The following ANTXR1 variants were observed in gnomAD, a reference collection of about 807,000 sequenced individuals.
ANTXR1 encodes the protein anthrax toxin receptor 1.
Under a neutral mutation model 78.1 loss-of-function variants are expected in ANTXR1, and 19 were observed. That is an observed-to-expected ratio of 0.24 (90% CI 0.17 to 0.36). ANTXR1 has a LOEUF of 0.36. ANTXR1 is among the 10% of genes least tolerant of loss of function. The probability of loss-of-function intolerance (pLI) is 1.00; values close to 1 mark genes in which losing one functional copy is unlikely to be tolerated. For synonymous variants in ANTXR1, 273 were observed against 260.5 expected (o/e 1.05, Z -0.46); for missense variants, 518 against 718.6 (o/e 0.72, Z 3.19).
intron 17 of ANTXR1, among the ~76,000 whole-genome samples, chr2:69,241,667 A>G (rs1203416367): frequency 6.6e-6 from 1 of 152,138 alleles, no homozygotes; most frequent in Non-Finnish European, 1.5e-5. Context: ...CAGTTGTATT[A>G]TAGAAGCCAG....
At chr2:69,039,268 T>C (rs1669542906) in intron 1 of ANTXR1, among the ~76,000 whole-genome samples, 1 of 152,138 alleles carries the variant, frequency 6.6e-6, no homozygotes, top group Non-Finnish European at 1.5e-5. Flanking sequence ...AAATATAAGC[T>C]GACTGAAGCA....
intron 1 of ANTXR1, among the ~76,000 whole-genome samples, chr2:69,027,925 G>A (rs11892652): frequency 0.27 from 41,086 of 151,648 alleles, 10,587 homozygotes; most frequent in African/African-American, 0.64. Context: ...GACTTAGAAC[G>A]GTTAAGGAAA....
intron 13 of ANTXR1, among the ~76,000 whole-genome samples, chr2:69,166,433 C>T (rs1454356253): frequency 6.6e-6 from 1 of 152,142 alleles, no homozygotes; most frequent in Non-Finnish European, 1.5e-5. Context: ...TTCCCGTCCC[C>T]TTTACCTCAC....
intron 12 of ANTXR1, among the ~76,000 whole-genome samples, chr2:69,132,660 C>G (rs1327446832): frequency 6.6e-6 from 1 of 152,204 alleles, no homozygotes; most frequent in Non-Finnish European, 1.5e-5. Context: ...GGTCAGCAAA[C>G]AGTCCATCAA....
At chr2:69,243,868 C>T (rs1675948533) in intron 17 of ANTXR1, among the ~76,000 whole-genome samples, 1 of 152,188 alleles carries the variant, frequency 6.6e-6, no homozygotes, top group African/African-American at 2.4e-5. Flanking sequence ...CCACCTCAGC[C>T]GCTGTGGGGA....
At chr2:69,194,231 G>C (rs1339239168) in intron 17 of ANTXR1, among the ~76,000 whole-genome samples, 1 of 152,204 alleles carries the variant, frequency 6.6e-6, no homozygotes, top group Non-Finnish European at 1.5e-5. Flanking sequence ...TCATGTAAGA[G>C]CTAGTCTCTC....
intron 17 of ANTXR1, among the ~76,000 whole-genome samples, chr2:69,198,961 A>C (rs1232126802): frequency 6.6e-6 from 1 of 152,230 alleles, no homozygotes; most frequent in African/African-American, 2.4e-5. Flanking sequence ...CATTGAACAG[A>C]GCTAGCCCCA....
At chr2:69,077,616 T>C in intron 8 of ANTXR1, 128 bp downstream of exon 8, 3 of 999,052 alleles carry the variant, frequency 3.0e-6, no homozygotes, top group Non-Finnish European at 4.7e-6. Flanking sequence ...TTTCTTCCTA[T>C]ATCTTTGTGT....
Position 69,064,295 on chromosome 2 carries a change from G to T in ANTXR1, c.297-6352G>T, listed in dbSNP as rs549651684. On this transcript the variant is annotated intron_variant, in intron 3 of 17. Transcript: ENST00000303714. Reference sequence around the variant, plus strand: ...TTCAGCTGGGGATTAGGCTCAGCTGGGAAATACAATGCTTCTGGAACAGCT... The same window carrying T: ...TTCAGCTGGGGATTAGGCTCAGCTGTGAAATACAATGCTTCTGGAACAGCT... Among the ~76,000 whole-genome samples the T allele has an allele frequency of 2.4e-4, 37 of 152,258 alleles. 1 individual carries two copies. The highest frequency in any genetic ancestry group is 8.4e-4 in the African/African-American group (35 of 41,568).
In ANTXR1 at chr2:69,209,034, C is replaced by G. The variant is rs181607040; in HGVS notation, c.1434+15619C>G. On this transcript the variant is annotated intron_variant, in intron 17 of 17. Transcript: ENST00000303714. ...CCTCCTGCCTCAGCCTCCCAAGTAG[C>G]TGAGATTACAGGTGCCTGCTACCAC... Among the ~76,000 whole-genome samples the G allele has an allele frequency of 1.4e-3, 214 of 151,494 alleles. 3 individuals carry two copies. The highest frequency in any genetic ancestry group is 0.012 in the Admixed American group (182 of 15,126).
intron 17 of ANTXR1, among the ~76,000 whole-genome samples, chr2:69,233,201 G>A (rs144214616): frequency 8.9e-4 from 135 of 152,074 alleles, no homozygotes; most frequent in Middle Eastern, 3.4e-3. Context: ...CTTGTTATAC[G>A]ACAAGTAATT....
chr2:69,179,222 CTTTAT>C (rs1463596865), intron 14 of ANTXR1, among the ~76,000 whole-genome samples: 1 of 152,120 alleles, frequency 6.6e-6, no homozygotes, highest in African/African-American at 2.4e-5. Context: ...GTGTTGGGGA[CTTTAT>C]TTTGTTATAT....
At chr2:69,199,041 G>A (rs1021271334) in intron 17 of ANTXR1, among the ~76,000 whole-genome samples, 5 of 152,136 alleles carry the variant, frequency 3.3e-5, no homozygotes, top group Admixed American at 2.6e-4. Context: ...ACAACACAAC[G>A]GGCTGCCCCA....
chr2:69,073,147 C>T (rs1239469064), intron 6 of ANTXR1, 46 bp downstream of exon 6: 1 of 1,570,030 alleles, frequency 6.4e-7, no homozygotes, highest in African/African-American at 1.4e-5. Flanking sequence ...TGGAACGGGG[C>T]TTCTCCTTTC....
At chr2:69,208,335 A>G (rs1473855873) in intron 17 of ANTXR1, among the ~76,000 whole-genome samples, 1 of 152,244 alleles carries the variant, frequency 6.6e-6, no homozygotes, top group African/African-American at 2.4e-5. Flanking sequence ...TCTCAAAAGT[A>G]AAATCTAGAG....
intron 14 of ANTXR1, among the ~76,000 whole-genome samples, chr2:69,176,566 G>T (rs1259358764): frequency 6.6e-6 from 1 of 152,100 alleles, no homozygotes; most frequent in Admixed American, 6.5e-5. Flanking sequence ...TCATTCTCAC[G>T]AAACTCACTC....
At chr2:69,232,985 C>A (rs918237960) in intron 17 of ANTXR1, among the ~76,000 whole-genome samples, 1 of 152,048 alleles carries the variant, frequency 6.6e-6, no homozygotes, top group Non-Finnish European at 1.5e-5. Flanking sequence ...GCCCTGTGAA[C>A]AAAGTACAAA....
intron 1 of ANTXR1, among the ~76,000 whole-genome samples, chr2:69,023,809 T>C (rs1053034454): frequency 1.3e-5 from 2 of 152,160 alleles, no homozygotes; most frequent in Non-Finnish European, 2.9e-5. Flanking sequence ...GGAGGCTTCA[T>C]AGAGGAGGTG....
chr2:69,196,146 A>G lies in ANTXR1; in HGVS notation c.1434+2731A>G, dbSNP rs1674664111. ...ATCTCTTATTTACCAATTCTGAATGAAAGTTTGTATTAACAGCTGAAGATG... is the reference window on the plus strand; with the variant it reads ...ATCTCTTATTTACCAATTCTGAATGGAAGTTTGTATTAACAGCTGAAGATG... On this transcript the variant is annotated intron_variant, in intron 17 of 17. Transcript: ENST00000303714. Among the ~76,000 whole-genome samples, 4 of 152,360 alleles carry G rather than the reference A, an allele frequency of 2.6e-5. No homozygotes were observed. In the South Asian group the frequency reaches 8.3e-4, roughly 32 times the overall value.
Sources: allele counts gnomAD v4.1 joint callset (sites outside exome capture counted in the v4.1 genomes callset), GRCh38; gene constraint gnomAD v4.1.1; transcripts MANE v1.5; gene names NCBI Gene and HGNC (gene_info 2026-07-23, HGNC 2026-07-21).